The following PSG9 variants were observed in gnomAD, a reference collection of about 807,000 sequenced individuals.
PSG9 encodes the protein pregnancy-specific beta-1-glycoprotein 9.
A neutral mutation model predicts 41.9 loss-of-function variants in PSG9; 49 were observed. The ratio of observed to expected loss-of-function variants is 1.17; its 90% CI spans 0.93 to 1.48. The LOEUF (loss-of-function observed/expected upper bound fraction) is 1.48, where lower values mean the gene tolerates loss of function less well. PSG9 is among the 40% of genes most tolerant of loss of function. PSG9 has a pLI of 0.00. For synonymous variants in PSG9, 263 were observed against 196.8 expected (o/e 1.34, Z -2.82); for missense variants, 641 against 520.3 (o/e 1.23, Z -2.26).
At chr19:43,254,144 C>T (rs1017017972) in intron 5 of PSG9, among the ~76,000 whole-genome samples, 3 of 145,738 alleles carry the variant, frequency 2.1e-5, no homozygotes, top group Non-Finnish European at 4.5e-5. Context: ...TTGAGGTGCA[C>T]TTCCTATGTG....
At chr19:43,263,510 A>G (rs569261770) in intron 2 of PSG9, among the ~76,000 whole-genome samples, 2 of 151,868 alleles carry the variant, frequency 1.3e-5, no homozygotes, top group East Asian at 3.9e-4. Flanking sequence ...TGGATTTGGG[A>G]TGCTCAATTT....
chr19:43,254,432 A>G (rs1404109130), intron 5 of PSG9, among the ~76,000 whole-genome samples: 1 of 146,376 alleles, frequency 6.8e-6, no homozygotes, highest in African/African-American at 2.6e-5. Context: ...CTTTAAAACA[A>G]TGGTAAGAAG....
At chr19:43,260,825 A>G (rs1195449420) in intron 3 of PSG9, 2 of 152,112 alleles carry the variant, frequency 1.3e-5, no homozygotes, top group East Asian at 3.9e-4. Flanking sequence ...GATTCTTCCA[A>G]TCCATGAAAA....
Position 43,267,921 on chromosome 19 carries a change from C to G in PSG9, c.293G>C (p.Arg98Thr), listed in dbSNP as rs1245056743. ...GGATGCGTTGGAATATACTGTTTCT[C>G]TTCCACTGTATGCAGGCCCATATAT... ...IIIYGPAYSG[R>T]ETVYSNASLL... The change falls in exon 2 of 6, where the codon AGA becomes ACA. Residue 98 changes from arginine (R) to threonine (T), a missense_variant. Arg to Thr is a moderately conservative substitution (Grantham distance 71). Coordinates refer to ENST00000270077, the MANE Select transcript of PSG9 (RefSeq NM_002784.5). The G allele has an allele frequency of 2.5e-6, 4 of 1,613,684 alleles. No individual in the cohort carries two copies. In the African/African-American group the frequency reaches 5.3e-5, roughly 22 times the overall value.
In PSG9 at chr19:43,257,257, G is replaced by A. The variant is rs908416115; in HGVS notation, c.1243+945C>T. The A allele has an allele frequency of 1.2e-4, 81 of 652,380 alleles. 3 individuals are homozygous for A. The highest frequency in any genetic ancestry group is 1.4e-4 in the Non-Finnish European group (75 of 535,020). 40.4% of individuals were successfully genotyped at this position (652,380 alleles called of 1,614,324 possible). A position where few individuals can be genotyped will look rare whatever the true frequency, so the allele number is the denominator to read the frequency against. On this transcript the variant is annotated intron_variant, in intron 5 of 5. Coordinates refer to ENST00000270077, the MANE Select transcript of PSG9 (RefSeq NM_002784.5). ...AGGTTTAATATGGTAAGAGGAAAAA[G>A]TTCTGGAAATGGATAGTGTGATGGT...
intron 2 of PSG9, among the ~76,000 whole-genome samples, chr19:43,264,535 G>A (rs1008279057): frequency 5.3e-5 from 8 of 151,936 alleles, no homozygotes; most frequent in African/African-American, 7.3e-5. Flanking sequence ...TCAGCTCACT[G>A]CAAGCTCCGC....
Position 43,262,353 on chromosome 19 carries a change from T to C in PSG9, c.431-215A>G, listed in dbSNP as rs534956645. On this transcript the variant is annotated intron_variant, in intron 2 of 5. Transcript: ENST00000270077. ...TATGTGGGAGAAGCACAGACTTTCT[T>C]AAGTGTGAATTGAGCAGCAGCATTG... Among the ~76,000 whole-genome samples the C allele has an allele frequency of 1.3e-3, 204 of 152,196 alleles. 1 individual carries two copies. The highest frequency in any genetic ancestry group is 4.7e-3 in the African/African-American group (197 of 41,532).
chr19:43,268,824 G>A (rs1467250808), intron 1 of PSG9, among the ~76,000 whole-genome samples: 1 of 152,096 alleles, frequency 6.6e-6, no homozygotes, highest in African/African-American at 2.4e-5. Flanking sequence ...AGTGTCATCT[G>A]ATATAGTTAT....
intron 1 of PSG9, among the ~76,000 whole-genome samples, chr19:43,268,968 T>C (rs1969116652): frequency 6.6e-6 from 1 of 152,098 alleles, no homozygotes; most frequent in Non-Finnish European, 1.5e-5. Context: ...CTCTGGTGTA[T>C]TTTCCCCTAT....
At position 43,262,030 on chromosome 19, in the gene PSG9, C is replaced by G; in HGVS notation, c.539G>C (p.Trp180Ser). 1 of 1,614,008 alleles carries G rather than the reference C, an allele frequency of 6.2e-7. No individual in the cohort carries two copies. Among genetic ancestry groups the G allele is most frequent in the Non-Finnish European group, 8.5e-7 (1 of 1,179,922 alleles). ...AGGGAGGCTCTGACCATTCATCCAC[C>G]ATAGGTAGCTTGCGTCCAGAGTCTC... ...DPETLDASYL[W>S]WMNGQSLPVT... The change falls in exon 3 of 6, where the codon TGG (tryptophan) becomes TCG (serine). Residue 180 changes from tryptophan to serine, a missense_variant. Coordinates refer to ENST00000270077, the MANE Select transcript of PSG9 (RefSeq NM_002784.5).
chr19:43,262,399 C>G (rs1227333840), intron 2 of PSG9, among the ~76,000 whole-genome samples: 1 of 152,090 alleles, frequency 6.6e-6, no homozygotes, highest in Non-Finnish European at 1.5e-5. Context: ...AGACACAGGA[C>G]CAGCAGTCAC....
intron 5 of PSG9, 40 bp from the exon 6 acceptor site, chr19:43,253,686 A>G: frequency 8.3e-7 from 1 of 1,208,574 alleles, no homozygotes; most frequent in Non-Finnish European, 1.2e-6. Context: ...TTTCAAATTC[A>G]CTACCTCCTT....
At chr19:43,265,234 A>G (rs1318562356) in intron 2 of PSG9, among the ~76,000 whole-genome samples, 1 of 152,194 alleles carries the variant, frequency 6.6e-6, no homozygotes, top group African/African-American at 2.4e-5. Context: ...GATTAAGATT[A>G]TAGGAGGGAA....
chr19:43,262,212 T>G, intron 2 of PSG9, 74 bp from the exon 3 acceptor site: 1 of 1,559,330 alleles, frequency 6.4e-7, no homozygotes. Context: ...TCAGTCAGAG[T>G]TGGCATTTCC....
At chr19:43,261,264 T>G (rs1331929686) in intron 3 of PSG9, among the ~76,000 whole-genome samples, 1 of 101,518 alleles carries the variant, frequency 9.9e-6, no homozygotes, top group Non-Finnish European at 1.9e-5. Context: ...GAGTTATGGA[T>G]GAAACAGACA....
chr19:43,268,734 C>T (rs1969104493), intron 1 of PSG9, among the ~76,000 whole-genome samples: 1 of 152,112 alleles, frequency 6.6e-6, no homozygotes, highest in African/African-American at 2.4e-5. Flanking sequence ...CCTCCATGCC[C>T]TGGGTGTTTT....
chr19:43,263,953 G>A (rs950666061), intron 2 of PSG9, among the ~76,000 whole-genome samples: 12 of 152,068 alleles, frequency 7.9e-5, no homozygotes, highest in Non-Finnish European at 1.5e-4. Context: ...GGAAAAATGG[G>A]GAGGACTGCA....
In PSG9 at chr19:43,259,272, C is replaced by A. The variant is rs1248377474; in HGVS notation, c.710-137G>T. 79 of 1,369,468 alleles carry A rather than the reference C, an allele frequency of 5.8e-5. 2 individuals carry two copies. Among genetic ancestry groups the A allele is most frequent in the Non-Finnish European group, 7.4e-5 (76 of 1,021,952 alleles). The allele number at this position is 1,369,468 out of a possible 1,614,324, so 84.8% of individuals were successfully genotyped here. A position where few individuals can be genotyped will look rare whatever the true frequency, so the allele number is the denominator to read the frequency against. The stretch of plus-strand genomic sequence containing the variant: ...AAGCCAATAGCTGGTGCGTGTGTCA[C>A]AAGACAGATGCATGATGATCTAAGG... On this transcript the variant is annotated intron_variant, in intron 3 of 5. Transcript: ENST00000270077.
At chr19:43,262,682 C>T (rs188551934) in intron 2 of PSG9, among the ~76,000 whole-genome samples, 5 of 152,198 alleles carry the variant, frequency 3.3e-5, no homozygotes, top group East Asian at 1.9e-4. Context: ...AGAGTCAAGC[C>T]GGGAGGTCAG....
Sources: allele counts gnomAD v4.1 joint callset (sites outside exome capture counted in the v4.1 genomes callset), GRCh38; gene constraint gnomAD v4.1.1; transcripts MANE v1.5; gene names NCBI Gene and HGNC (gene_info 2026-07-23, HGNC 2026-07-21).